The following TAFA5 variants were observed in gnomAD, a reference collection of about 807,000 sequenced individuals.
TAFA5 encodes TAFA chemokine like family member 5.
Under a neutral mutation model 15.3 loss-of-function variants are expected in TAFA5, and 6 were observed. The ratio of observed to expected loss-of-function variants is 0.39; its 90% confidence interval spans 0.21 to 0.77. The LOEUF is 0.77. Among genes scored for constraint, TAFA5 ranks in the 30% least tolerant of loss-of-function variants. The probability of loss-of-function intolerance (pLI) is 0.41; values close to 1 mark genes in which losing one functional copy is unlikely to be tolerated. For synonymous variants in TAFA5, 103 were observed against 80.7 expected, an observed-to-expected ratio of 1.28 and a Z score of -1.48; for missense variants, 161 against 193.1, an observed-to-expected ratio of 0.83 and a Z score of 0.98.
In TAFA5 at chr22:48,676,614, G is replaced by A. The variant is rs142671175; in HGVS notation, c.262+29868G>A. ...GCCATGCCTGCAAATGGCCCCCCACGAGGAAGGACACAGGACTGCAACCCA... is the reference window on the plus strand; with the variant it reads ...GCCATGCCTGCAAATGGCCCCCCACAAGGAAGGACACAGGACTGCAACCCA... On this transcript the variant is annotated intron_variant, in intron 2 of 3. Coordinates refer to ENST00000402357, the MANE Select transcript of TAFA5 (RefSeq NM_001082967.3). Among the ~76,000 whole-genome samples, 323 of 152,312 alleles carry A rather than the reference G, an allele frequency of 2.1e-3. 2 individuals carry two copies. Among genetic ancestry groups the A allele is most frequent in the East Asian group, 0.011 (58 of 5,180 alleles).
Position 48,742,507 on chromosome 22 carries a change from G to A in TAFA5, c.391-7332G>A, listed in dbSNP as rs1040323656. 4.6e-5 allele frequency among the ~76,000 whole-genome samples: 7 copies of A among 152,134 alleles called. No homozygotes were observed. Among genetic ancestry groups the A allele is most frequent in the Admixed American group, 2.6e-4 (4 of 15,294 alleles). On this transcript the variant is annotated intron_variant, in intron 3 of 3. Transcript: ENST00000402357. The surrounding 1 kb of genome is among the most constrained non-coding windows in gnomAD (Gnocchi z 6.2). ...GTGGAGCGGGCGTTGTGGTGGACCC[G>A]GTGGCGTGGCAGACCAGGCGACGTG...
Position 48,495,870 on chromosome 22 carries a change from G to A in TAFA5, c.112+6166G>A, listed in dbSNP as rs147782584. On this transcript the variant is annotated intron_variant, in intron 1 of 3. Transcript: ENST00000402357. ...CCCAAAGCTGAGCCCTCCGGCCCAG[G>A]TGGGAGTCTCCATCCCTCTGTCCAG... Among the ~76,000 whole-genome samples the A allele has an allele frequency of 7.5e-3, 1,149 of 152,314 alleles. 8 individuals carry two copies. Among genetic ancestry groups the A allele is most frequent in the Middle Eastern group, 0.017 (5 of 292 alleles).
intron 1 of TAFA5, among the ~76,000 whole-genome samples, chr22:48,593,023 G>C (rs868323654): frequency 6.6e-6 from 1 of 152,128 alleles, no homozygotes; most frequent in Non-Finnish European, 1.5e-5. Context: ...GGGCGGGGGG[G>C]TCTGTAGGAG....
At chr22:48,670,088 G>A (rs1454608197) in intron 2 of TAFA5, among the ~76,000 whole-genome samples, 3 of 152,212 alleles carry the variant, frequency 2.0e-5, no homozygotes, top group South Asian at 2.1e-4. Flanking sequence ...AGAGCCAGAT[G>A]TTCAGCCCTG....
chr22:48,502,424 GTC>G lies in TAFA5; in HGVS notation c.112+12722_112+12723del, dbSNP rs533861870. Among the ~76,000 whole-genome samples the G allele has an allele frequency of 3.3e-5, 5 of 152,162 alleles. No individual in the cohort carries two copies. The South Asian group carries it at 1.0e-3, about 32-fold the overall frequency. On this transcript the variant is annotated intron_variant, in intron 1 of 3. Transcript: ENST00000402357. ...TTCTGGGGGAGCTGGGAGTACTTTT[GTC>G]TTAGGCTTTTGCAGCAGTTACAGTG...
chr22:48,695,950 C>G (rs569932472), intron 2 of TAFA5, among the ~76,000 whole-genome samples: 1 of 152,300 alleles, frequency 6.6e-6, no homozygotes, highest in East Asian at 1.9e-4. Context: ...ACCACACAGA[C>G]AGGACGCAGA....
intron 1 of TAFA5, among the ~76,000 whole-genome samples, chr22:48,533,933 C>T (rs1447952163): frequency 6.6e-6 from 1 of 152,132 alleles, no homozygotes; most frequent in Non-Finnish European, 1.5e-5. Flanking sequence ...GGGCATGGGC[C>T]ATGGTTTGTG....
intron 1 of TAFA5, among the ~76,000 whole-genome samples, chr22:48,582,990 CAAAAT>C (rs1292896944): frequency 2.1e-5 from 3 of 145,748 alleles, no homozygotes; most frequent in African/African-American, 5.1e-5. Context: ...ACACCACACA[CAAAAT>C]AAACCACACA....
chr22:48,726,340 A>T (rs1389924119), intron 3 of TAFA5, among the ~76,000 whole-genome samples: 3 of 152,256 alleles, frequency 2.0e-5, no homozygotes, highest in African/African-American at 7.2e-5. Flanking sequence ...GAGCCAGCAA[A>T]TGAGACCTGG....
chr22:48,633,258 C>T (rs192444435), intron 1 of TAFA5, among the ~76,000 whole-genome samples: 2 of 152,320 alleles, frequency 1.3e-5, no homozygotes, highest in Admixed American at 1.3e-4. Flanking sequence ...ATGTCATCTG[C>T]CCACCACGGC....
At chr22:48,700,183 A>T (rs1928860125) in intron 2 of TAFA5, among the ~76,000 whole-genome samples, 1 of 152,086 alleles carries the variant, frequency 6.6e-6, no homozygotes, top group Non-Finnish European at 1.5e-5. Context: ...TCTTTCATCG[A>T]ATCAGTCAAT....
At chr22:48,645,970 G>A (rs1926846538) in intron 1 of TAFA5, among the ~76,000 whole-genome samples, 1 of 152,164 alleles carries the variant, frequency 6.6e-6, no homozygotes, top group South Asian at 2.1e-4. Flanking sequence ...GTGTGTGTGG[G>A]CGTGCACCGC....
chr22:48,706,234 C>A (rs969520012), intron 2 of TAFA5, among the ~76,000 whole-genome samples: 1 of 152,198 alleles, frequency 6.6e-6, no homozygotes, highest in East Asian at 1.9e-4. Context: ...AAGGAGGGAC[C>A]CAAAGGAAAA....
chr22:48,728,916 G>A (rs759048903), intron 3 of TAFA5, among the ~76,000 whole-genome samples: 6 of 152,154 alleles, frequency 3.9e-5, no homozygotes, highest in Admixed American at 6.5e-5. Context: ...CAGATTACTA[G>A]GCTGAGATAG....
chr22:48,699,903 A>C (rs1928849833), intron 2 of TAFA5, among the ~76,000 whole-genome samples: 1 of 152,180 alleles, frequency 6.6e-6, no homozygotes, highest in Non-Finnish European at 1.5e-5. Flanking sequence ...CCACAGCCCC[A>C]GAGAGCAGCT....
intron 2 of TAFA5, among the ~76,000 whole-genome samples, chr22:48,688,637 G>A: frequency 6.6e-6 from 1 of 152,092 alleles, no homozygotes; most frequent in Non-Finnish European, 1.5e-5. Context: ...TAAGCTCCTT[G>A]CTTAGCTGAA....
intron 2 of TAFA5, among the ~76,000 whole-genome samples, chr22:48,659,817 G>A (rs945173472): frequency 4.6e-5 from 7 of 152,208 alleles, no homozygotes; most frequent in South Asian, 2.1e-4. Context: ...CTCCCTTAGC[G>A]CAGGCCCTGC....
At chr22:48,574,375 A>G (rs1923688345) in intron 1 of TAFA5, among the ~76,000 whole-genome samples, 2 of 152,174 alleles carry the variant, frequency 1.3e-5, no homozygotes, top group Non-Finnish European at 2.9e-5. Context: ...ACCGCGAGCC[A>G]GGTCAGGCAG....
At chr22:48,630,527 G>C (rs1013170076) in intron 1 of TAFA5, among the ~76,000 whole-genome samples, 1 of 152,166 alleles carries the variant, frequency 6.6e-6, no homozygotes, top group African/African-American at 2.4e-5. Context: ...TTCCAGCCTC[G>C]CTCGGGCCCA....
Sources: gnomAD v4.1 joint callset for allele counts (sites outside exome capture counted in the v4.1 genomes callset) on GRCh38, gnomAD v4.1.1 for gene constraint, Gnocchi (gnomAD v3.1) non-coding constraint, MANE v1.5 for transcripts, NCBI Gene and HGNC (gene_info 2026-07-23, HGNC 2026-07-21) for gene names.